Variants in CHL1 observed in about 807,000 individuals in gnomAD.
CHL1 encodes the protein cell adhesion molecule L1 like.
In CHL1, 96 loss-of-function variants were observed where a neutral mutation model predicts 141.9. That is an observed-to-expected ratio of 0.68 (90% CI 0.57 to 0.80). CHL1 has a LOEUF of 0.80. Ranked by LOEUF, CHL1 falls within the 30% of genes least tolerant of loss-of-function variation. The pLI is 0.00. For synonymous variants in CHL1, 613 were observed against 502.2 expected (o/e 1.22, Z -2.95); for missense variants, 1,820 against 1,457.2 (o/e 1.25, Z -4.05).
At chr3:197,995 C>G (rs1184456269) in intron 1 of CHL1, 3 of 356,442 alleles carry the variant, frequency 8.4e-6, no homozygotes, top group Non-Finnish European at 1.7e-5. Context: ...TCCCACTCTC[C>G]GGGCTCGCTG....
Position 269,830 on chromosome 3 carries a change from C to T in CHL1, c.-95+25138C>T, listed in dbSNP as rs1479050702. On this transcript the variant is annotated intron_variant, in intron 2 of 27. Coordinates refer to ENST00000256509, the MANE Select transcript of CHL1 (RefSeq NM_006614.4). The stretch of plus-strand genomic sequence containing the variant: ...GATGAGCCACCACACTCAGCCAAAA[C>T]AGACCCAGTATTAAGCAGCTGGGCT... Among the ~76,000 whole-genome samples, 3 of 152,182 alleles carry T rather than the reference C, an allele frequency of 2.0e-5. No homozygotes were observed. The East Asian group carries it at 5.8e-4, about 29-fold the overall frequency.
At chr3:345,860 T>C (rs1417905072) in intron 9 of CHL1, among the ~76,000 whole-genome samples, 2 of 152,234 alleles carry the variant, frequency 1.3e-5, no homozygotes, top group African/African-American at 4.8e-5. Flanking sequence ...GTTCCATTTA[T>C]TAACTACTGT....
chr3:224,834 A>C (rs982846129), intron 1 of CHL1, among the ~76,000 whole-genome samples: 2 of 152,194 alleles, frequency 1.3e-5, no homozygotes, highest in Non-Finnish European at 2.9e-5. Context: ...AAAGTGGAAA[A>C]TATCAATTAA....
intron 2 of CHL1, among the ~76,000 whole-genome samples, chr3:294,651 C>A (rs1698016114): frequency 6.6e-6 from 1 of 151,180 alleles, no homozygotes; most frequent in South Asian, 2.1e-4. Flanking sequence ...CTTTTTTTTC[C>A]AAATATAGAA....
At chr3:392,997 G>A (rs962669321) in intron 23 of CHL1, among the ~76,000 whole-genome samples, 2 of 152,010 alleles carry the variant, frequency 1.3e-5, no homozygotes, top group East Asian at 3.9e-4. Context: ...TAAGTGGGAG[G>A]CCGAGGCTGG....
At chr3:337,913 G>A (rs866817412) in intron 5 of CHL1, among the ~76,000 whole-genome samples, 2 of 152,136 alleles carry the variant, frequency 1.3e-5, no homozygotes, top group East Asian at 1.9e-4. Context: ...GGGTCAAATG[G>A]TATTTCTAGT....
At position 382,675 on chromosome 3, in the gene CHL1, T is replaced by C; in HGVS notation, c.2176+4T>C. 6.2e-7 allele frequency: 1 copy of C among 1,612,854 alleles called. No homozygotes were observed. The highest frequency in any genetic ancestry group is 2.2e-5 in the East Asian group (1 of 44,864). On this transcript the variant is annotated splice_donor_region_variant and intron_variant, in intron 18 of 27. Transcript: ENST00000256509. ...CATCATGAAACACCACCAGCAGGTA[T>C]GCAGGTTCTCACATCAGGTTTCTAA...
intron 15 of CHL1, among the ~76,000 whole-genome samples, chr3:367,512 C>T (rs1705056271): frequency 6.6e-6 from 1 of 152,156 alleles, no homozygotes; most frequent in African/African-American, 2.4e-5. Flanking sequence ...AAGGTACTTT[C>T]ATTATAGGGT....
At chr3:219,578 T>G (rs141905996) in intron 1 of CHL1, among the ~76,000 whole-genome samples, 1 of 152,168 alleles carries the variant, frequency 6.6e-6, no homozygotes, top group Non-Finnish European at 1.5e-5. Flanking sequence ...CTTAGCAAAC[T>G]AATGCAGGAC....
chr3:388,168 G>A (rs1423551380), intron 19 of CHL1, among the ~76,000 whole-genome samples: 1 of 151,956 alleles, frequency 6.6e-6, no homozygotes, highest in Admixed American at 6.5e-5. Flanking sequence ...AGCTAAACAG[G>A]CAGTTTAAAC....
At position 401,494 on chromosome 3, in the gene CHL1, A is replaced by T. The variant is rs1385217979; in HGVS notation, c.3386-132A>T. The T allele has an allele frequency of 6.8e-6, 4 of 584,060 alleles. No homozygotes were observed. In the Middle Eastern group the frequency reaches 1.0e-3, roughly 152 times the overall value. The allele number at this position is 584,060 out of a possible 1,614,324, so 36.2% of individuals were successfully genotyped here. A position where few individuals can be genotyped will look rare whatever the true frequency, so the allele number is the denominator to read the frequency against. On this transcript the variant is annotated intron_variant, in intron 26 of 27. Coordinates refer to ENST00000256509, the MANE Select transcript of CHL1 (RefSeq NM_006614.4). Reference sequence around the variant, plus strand: ...TGGGCTGTAGGTATAGCCAGAAAAAAATATTGCCTCACTGGTATCAAAACA... The same window carrying T: ...TGGGCTGTAGGTATAGCCAGAAAAATATATTGCCTCACTGGTATCAAAACA...
At chr3:241,480 C>T (rs1039592061) in intron 1 of CHL1, among the ~76,000 whole-genome samples, 2 of 152,154 alleles carry the variant, frequency 1.3e-5, no homozygotes, top group African/African-American at 2.4e-5. Context: ...CATATTACAC[C>T]AGCCATGGGT....
At chr3:316,632 A>T (rs1337942599) in intron 2 of CHL1, among the ~76,000 whole-genome samples, 3 of 152,044 alleles carry the variant, frequency 2.0e-5, no homozygotes, top group African/African-American at 7.2e-5. Context: ...AAAATATTTT[A>T]GTAAGAGTAT....
chr3:397,344 T>G (rs1708760416), intron 24 of CHL1, among the ~76,000 whole-genome samples: 1 of 152,116 alleles, frequency 6.6e-6, no homozygotes, highest in South Asian at 2.1e-4. Context: ...AACTATATAA[T>G]TAATTTTTAT....
At chr3:232,649 A>G (rs1260875728) in intron 1 of CHL1, among the ~76,000 whole-genome samples, 1 of 152,182 alleles carries the variant, frequency 6.6e-6, no homozygotes, top group Non-Finnish European at 1.5e-5. Flanking sequence ...TAGCTATAAA[A>G]TAATAATTAT....
At chr3:231,401 A>T (rs1257168083) in intron 1 of CHL1, among the ~76,000 whole-genome samples, 1 of 151,986 alleles carries the variant, frequency 6.6e-6, no homozygotes, top group Non-Finnish European at 1.5e-5. Flanking sequence ...GCATATGTAC[A>T]ATTTCCTAGA....
At chr3:225,106 C>T (rs1472040947) in intron 1 of CHL1, among the ~76,000 whole-genome samples, 2 of 152,274 alleles carry the variant, frequency 1.3e-5, no homozygotes, top group East Asian at 1.9e-4. Context: ...TGCACTCCAG[C>T]CTGAGTGACA....
chr3:256,338 T>C (rs1694168954), intron 2 of CHL1, among the ~76,000 whole-genome samples: 1 of 152,224 alleles, frequency 6.6e-6, no homozygotes, highest in Admixed American at 6.5e-5. Context: ...CTCCTCCTTT[T>C]GAGTGATGTA....
intron 14 of CHL1, among the ~76,000 whole-genome samples, chr3:364,489 TTGCCCAATACAG>T (rs1354234547): frequency 1.3e-5 from 2 of 152,184 alleles, no homozygotes; most frequent in Non-Finnish European, 2.9e-5. Context: ...TGCACTCCTA[TTGCCCAATACAG>T]TGCTTGGCCC....
Sources: allele counts gnomAD v4.1 joint callset (sites outside exome capture counted in the v4.1 genomes callset), GRCh38; gene constraint gnomAD v4.1.1; transcripts MANE v1.5; gene names NCBI Gene and HGNC (gene_info 2026-07-23, HGNC 2026-07-21).